Variants in TTBK2 observed in about 807,000 individuals in gnomAD.
The protein encoded by TTBK2 is tau tubulin kinase 2, also known as tau-tubulin kinase 2.
A neutral mutation model predicts 110.8 loss-of-function variants in TTBK2; 28 were observed. That is an observed-to-expected ratio of 0.25 (90% CI 0.19 to 0.35). The LOEUF (loss-of-function observed/expected upper bound fraction) is 0.35. Among genes scored for constraint, TTBK2 ranks in the 10% least tolerant of loss-of-function variants. The pLI, the probability that TTBK2 is intolerant of heterozygous loss-of-function variation, is 1.00. For synonymous variants in TTBK2, 532 were observed against 527.3 expected, an observed-to-expected ratio of 1.01 and a Z score of -0.12; for missense variants, 1,369 against 1,500.3, an observed-to-expected ratio of 0.91 and a Z score of 1.45.
chr15:42,909,084 C>T (rs1460045160), intron 1 of TTBK2, among the ~76,000 whole-genome samples: 2 of 152,176 alleles, frequency 1.3e-5, no homozygotes, highest in African/African-American at 2.4e-5. Context: ...TTTCTAGCTT[C>T]TAGAACCCAC....
At chr15:42,772,726 C>A (rs1889730602) in intron 13 of TTBK2, among the ~76,000 whole-genome samples, 1 of 152,086 alleles carries the variant, frequency 6.6e-6, no homozygotes, top group Non-Finnish European at 1.5e-5. Flanking sequence ...GTAGGAGAAT[C>A]TCTGGACCCC....
At chr15:42,875,921 A>G (rs1014994118) in intron 2 of TTBK2, among the ~76,000 whole-genome samples, 2 of 150,932 alleles carry the variant, frequency 1.3e-5, no homozygotes, top group Non-Finnish European at 3.0e-5. Context: ...AAAAAAAAAA[A>G]AAAAAAGAAA....
chr15:42,775,831 GAT>G (rs1889897558), intron 12 of TTBK2, 108 bp from the exon 13 acceptor site: 2 of 845,664 alleles, frequency 2.4e-6, no homozygotes, highest in Admixed American at 3.0e-5. Flanking sequence ...GAGAAAAAAA[GAT>G]GGATAAAGCA....
rs541589072 is a variant in TTBK2 at position 42,910,879 on chromosome 15, A to T, written c.-68+9559T>A. 4.1e-4 allele frequency among the ~76,000 whole-genome samples: 63 copies of T among 152,140 alleles called. 1 individual carries two copies. The highest frequency in any genetic ancestry group is 1.4e-3 in the African/African-American group (60 of 41,510). ...GCCAACATGGTGAAACCCTGTCTCTACCAAAAATATAAAAATTAGCCAGGC... is the reference window on the plus strand; with the variant it reads ...GCCAACATGGTGAAACCCTGTCTCTTCCAAAAATATAAAAATTAGCCAGGC... On this transcript the variant is annotated intron_variant, in intron 1 of 14. Transcript: ENST00000267890.
Position 42,835,768 on chromosome 15 carries a change from G to GCA in TTBK2, c.291+4591_291+4592insTG, listed in dbSNP as rs372916406. Among the ~76,000 whole-genome samples the GCA allele has an allele frequency of 7.6e-3, 1,151 of 151,816 alleles. 12 individuals carry two copies. The highest frequency in any genetic ancestry group is 0.025 in the African/African-American group (1,020 of 41,542). On this transcript the variant is annotated intron_variant, in intron 4 of 14. Coordinates refer to ENST00000267890, the MANE Select transcript of TTBK2 (RefSeq NM_173500.4). ...AAAAGAGTTCTTGTCTTCTAGAAAT[G>GCA]TATATATAGATAAAATATGCCTTGG...
intron 1 of TTBK2, among the ~76,000 whole-genome samples, chr15:42,914,045 C>G (rs2030946969): frequency 6.6e-6 from 1 of 150,940 alleles, no homozygotes; most frequent in African/African-American, 2.4e-5. Flanking sequence ...GGTGCTGTCT[C>G]GACTCACTGC....
In TTBK2 at chr15:42,878,508, C is replaced by A. The variant is rs771750488; in HGVS notation, c.69+41G>T. 1.9e-6 allele frequency: 3 copies of A among 1,605,446 alleles called. No homozygotes were observed. The South Asian group carries it at 3.3e-5, about 18-fold the overall frequency. On this transcript the variant is annotated intron_variant, in intron 2 of 14. Coordinates refer to ENST00000267890, the MANE Select transcript of TTBK2 (RefSeq NM_173500.4). ...CGATATGTATACACACACACACACA[C>A]ACACACACACACACACACACTCTCT...
chr15:42,915,860 C>T (rs1339814722), intron 1 of TTBK2, among the ~76,000 whole-genome samples: 1 of 152,028 alleles, frequency 6.6e-6, no homozygotes, highest in Non-Finnish European at 1.5e-5. Flanking sequence ...GGGGGGAGGA[C>T]TGCCTGATCC....
Position 42,800,762 on chromosome 15 carries a change from A to G in TTBK2, c.823-5961T>C, listed in dbSNP as rs796937121. Among the ~76,000 whole-genome samples the G allele has an allele frequency of 7.9e-3, 1,100 of 139,970 alleles. 13 individuals carry two copies. Among genetic ancestry groups the G allele is most frequent in the African/African-American group, 0.026 (993 of 37,734 alleles). 91.8% of individuals were successfully genotyped at this position (139,970 alleles called of 152,430 possible). A position where few individuals can be genotyped will look rare whatever the true frequency, so the allele number is the denominator to read the frequency against. On this transcript the variant is annotated intron_variant, in intron 9 of 14. Transcript: ENST00000267890. ...AGAGCTAGCCGAGGTTTATTTTGGG[A>G]AAAAAAAAAAAAAGCAATTGAATTG... is the stretch of plus-strand genomic sequence containing the variant.
intron 9 of TTBK2, among the ~76,000 whole-genome samples, chr15:42,797,372 A>C (rs1031311894): frequency 1.3e-5 from 2 of 152,232 alleles, no homozygotes; most frequent in African/African-American, 4.8e-5. Context: ...TCAAATTAGA[A>C]ACAGTTTGTT....
intron 9 of TTBK2, among the ~76,000 whole-genome samples, chr15:42,797,811 G>A (rs1891010063): frequency 6.6e-6 from 1 of 151,120 alleles, no homozygotes; most frequent in Non-Finnish European, 1.5e-5. Flanking sequence ...ACATGTCTGT[G>A]TATATATATA....
intron 6 of TTBK2, among the ~76,000 whole-genome samples, chr15:42,826,005 A>T (rs1892520743): frequency 6.6e-6 from 1 of 151,966 alleles, no homozygotes. Flanking sequence ...TGTTTTTTAC[A>T]CTCTTTTGGA....
chr15:42,906,291 T>C (rs1014084886), intron 1 of TTBK2, among the ~76,000 whole-genome samples: 1 of 152,214 alleles, frequency 6.6e-6, no homozygotes, highest in African/African-American at 2.4e-5. Flanking sequence ...AAACAGTTCC[T>C]GTACCACTTG....
intron 1 of TTBK2, among the ~76,000 whole-genome samples, chr15:42,906,188 C>T (rs945723937): frequency 2.9e-5 from 4 of 139,744 alleles, no homozygotes; most frequent in African/African-American, 1.0e-4. Context: ...AACTCCATCT[C>T]AAAAAAAAAA....
intron 1 of TTBK2, among the ~76,000 whole-genome samples, chr15:42,893,330 C>CA (rs1895537216): frequency 6.6e-6 from 1 of 151,898 alleles, no homozygotes; most frequent in Admixed American, 6.6e-5. Flanking sequence ...CCTGTTACTA[C>CA]AAAAATTTTT....
intron 12 of TTBK2, 64 bp from the exon 13 acceptor site, chr15:42,775,787 G>C: frequency 7.6e-7 from 1 of 1,320,688 alleles, no homozygotes; most frequent in Non-Finnish European, 1.0e-6. Context: ...TAATATATAA[G>C]CTCCATAAAG....
In TTBK2 at chr15:42,742,155, G is replaced by C. The variant is rs2061755531; in HGVS notation, c.*3640C>G. ...CGCTGAATTAGCAGCTGAGGTTTTA[G>C]TATTTGAAAGCAAATAATATAAAGC... On this transcript the variant is annotated 3_prime_UTR_variant, in exon 15 of 15. Transcript: ENST00000267890. 1 of 152,232 alleles carries C rather than the reference G, an allele frequency of 6.6e-6. No individual in the cohort carries two copies. Among genetic ancestry groups the C allele is most frequent in the African/African-American group, 2.4e-5 (1 of 41,458 alleles). 9.4% of individuals were successfully genotyped at this position (152,232 alleles called of 1,614,324 possible).
chr15:42,840,803 A>C (rs1029579269), intron 3 of TTBK2, among the ~76,000 whole-genome samples: 1 of 152,228 alleles, frequency 6.6e-6, no homozygotes, highest in African/African-American at 2.4e-5. Flanking sequence ...TTAGGAATAT[A>C]AACCCTGAAT....
intron 3 of TTBK2, among the ~76,000 whole-genome samples, chr15:42,841,011 A>G (rs2141017003): frequency 6.6e-6 from 1 of 152,236 alleles, no homozygotes; most frequent in Non-Finnish European, 1.5e-5. Context: ...AGACCCCCCA[A>G]AAGAATTGAG....
Sources: gnomAD v4.1 joint callset for allele counts (sites outside exome capture counted in the v4.1 genomes callset) on GRCh38, gnomAD v4.1.1 for gene constraint, MANE v1.5 for transcripts, NCBI Gene and HGNC (gene_info 2026-07-23, HGNC 2026-07-21) for gene names.